The following HAPSTR1 variants were observed in gnomAD, a reference collection of about 807,000 sequenced individuals.
HAPSTR1 encodes HUWE1-associated protein modifying stress responses 1.
chr16:9,118,500 TATTC>T, the HAPSTR1 span: 1 of 152,682 alleles, frequency 6.5e-6, no homozygotes, highest in Non-Finnish European at 1.5e-5. Flanking sequence ...TGAAGTTCTG[TATTC>T]ATTATAGATG....
the HAPSTR1 span, among the ~76,000 whole-genome samples, chr16:9,113,915 A>G: frequency 6.6e-6 from 1 of 152,218 alleles, no homozygotes; most frequent in African/African-American, 2.4e-5. Context: ...GGAGAGGTGA[A>G]TAAACATCAA....
chr16:9,097,886 A>G, the HAPSTR1 span, among the ~76,000 whole-genome samples: 2 of 152,222 alleles, frequency 1.3e-5, no homozygotes, highest in Admixed American at 6.5e-5. Context: ...GGTTATGCAC[A>G]TGAGTTGAGA....
the HAPSTR1 span, among the ~76,000 whole-genome samples, chr16:9,101,061 A>G: frequency 6.6e-6 from 1 of 152,250 alleles, no homozygotes; most frequent in Non-Finnish European, 1.5e-5. Flanking sequence ...GATTGCTTCT[A>G]GGTTAACACA....
At chr16:9,092,413 G>C in the HAPSTR1 span, 36 of 717,352 alleles carry the variant, frequency 5.0e-5, no homozygotes, top group Non-Finnish European at 6.5e-5. Flanking sequence ...CGGCCCTGCC[G>C]CCCCCTCCCC....
the HAPSTR1 span, among the ~76,000 whole-genome samples, chr16:9,115,259 C>G: frequency 5.2e-4 from 79 of 152,156 alleles, no homozygotes; most frequent in African/African-American, 1.9e-3. Flanking sequence ...CAAATTTAAA[C>G]TACATTTTTA....
chr16:9,102,834 G>T, the HAPSTR1 span: 1 of 743,322 alleles, frequency 1.3e-6, no homozygotes, highest in South Asian at 1.9e-5. Context: ...TTTTCATTAT[G>T]ACTGAAATCA....
chr16:9,102,105 G>C, the HAPSTR1 span, among the ~76,000 whole-genome samples: 1 of 152,158 alleles, frequency 6.6e-6, no homozygotes, highest in Non-Finnish European at 1.5e-5. Flanking sequence ...GAGAGACTCC[G>C]TCTCAAAAAA....
At chr16:9,103,996 A>G in the HAPSTR1 span, 1 of 152,236 alleles carries the variant, frequency 6.6e-6, no homozygotes, top group Non-Finnish European at 1.5e-5. Context: ...ACAGCATTGA[A>G]TACTGCTGTA....
chr16:9,114,221 T>TG, the HAPSTR1 span, among the ~76,000 whole-genome samples: 6 of 152,112 alleles, frequency 3.9e-5, no homozygotes, highest in Non-Finnish European at 8.8e-5. Flanking sequence ...GTTAGAAATC[T>TG]GGGAGGGCCG....
the HAPSTR1 span, chr16:9,113,032 T>G: frequency 4.0e-5 from 6 of 151,028 alleles, no homozygotes; most frequent in South Asian, 2.1e-4. Context: ...TTTTTGTTTT[T>G]TTTTGTTTTT....
the HAPSTR1 span, chr16:9,118,438 C>T: frequency 6.6e-6 from 1 of 152,566 alleles, no homozygotes; most frequent in Non-Finnish European, 1.5e-5. Context: ...CATAAATGTT[C>T]ATTCATTGAC....
the HAPSTR1 span, among the ~76,000 whole-genome samples, chr16:9,096,209 C>A: frequency 6.6e-6 from 1 of 152,160 alleles, no homozygotes; most frequent in East Asian, 1.9e-4. Flanking sequence ...AAGCTCTTAG[C>A]TTTGTGCCTG....
chr16:9,120,267 C>T, the HAPSTR1 span: 1 of 152,204 alleles, frequency 6.6e-6, no homozygotes, highest in Non-Finnish European at 1.5e-5. Flanking sequence ...GTACCTGCTA[C>T]CCCTTCTGGA....
the HAPSTR1 span, chr16:9,103,304 G>A: frequency 3.8e-6 from 6 of 1,585,866 alleles, no homozygotes; most frequent in Non-Finnish European, 5.2e-6. Context: ...GGTTAAGAGG[G>A]TGCCTGTGGA....
chr16:9,107,576 C>G, the HAPSTR1 span: 4 of 152,388 alleles, frequency 2.6e-5, no homozygotes, highest in East Asian at 1.9e-4. Context: ...TTTAAAGTTT[C>G]CCTGGGCCTA....
the HAPSTR1 span, among the ~76,000 whole-genome samples, chr16:9,093,261 A>G: frequency 6.6e-6 from 1 of 151,974 alleles, no homozygotes; most frequent in Non-Finnish European, 1.5e-5. Flanking sequence ...TTGGGCACCC[A>G]GTGTATAGAG....
the HAPSTR1 span, chr16:9,119,200 A>G: frequency 5.9e-5 from 9 of 152,358 alleles, no homozygotes; most frequent in Non-Finnish European, 1.3e-4. Context: ...CAGAATAAAC[A>G]TGAAGCTCAG....
chr16:9,110,567 T>G, the HAPSTR1 span: 7 of 152,222 alleles, frequency 4.6e-5, no homozygotes, highest in Non-Finnish European at 8.8e-5. Context: ...AACAAATCAC[T>G]CCTGATAAAA....
At chr16:9,102,182 T>C in the HAPSTR1 span, among the ~76,000 whole-genome samples, 5 of 152,256 alleles carry the variant, frequency 3.3e-5, no homozygotes, top group African/African-American at 1.2e-4. Context: ...TTGTTGCTTT[T>C]ACGGAAAGTT....
Sources: allele counts gnomAD v4.1 joint callset (sites outside exome capture counted in the v4.1 genomes callset), GRCh38; gene constraint gnomAD v4.1.1; transcripts MANE v1.5; gene names NCBI Gene and HGNC (gene_info 2026-07-23, HGNC 2026-07-21).